Variants in ATL2 observed in about 807,000 individuals in gnomAD.
ATL2 encodes atlastin GTPase 2.
ATL2 carries 31 observed loss-of-function variants against 73.9 expected under a neutral mutation model. The observed-to-expected ratio is 0.42, with a 90% CI of 0.32 to 0.57. The LOEUF (loss-of-function observed/expected upper bound fraction) is 0.57, where lower values mean the gene tolerates loss of function less well. Among genes scored for constraint, ATL2 ranks in the 20% least tolerant of loss-of-function variants. ATL2 has a pLI of 0.14. For missense variants in ATL2, 738 were observed against 702.6 expected (o/e 1.05, Z -0.57); for synonymous variants, 291 against 237.5 (o/e 1.23, Z -2.07).
chr2:38,346,134 C>G (rs778631167), intron 1 of ATL2, among the ~76,000 whole-genome samples: 4 of 152,196 alleles, frequency 2.6e-5, no homozygotes, highest in African/African-American at 7.2e-5. Context: ...TATAGAGATA[C>G]GTCTACGTGT....
At chr2:38,341,464 C>A (rs1669713924) in intron 2 of ATL2, among the ~76,000 whole-genome samples, 1 of 151,860 alleles carries the variant, frequency 6.6e-6, no homozygotes, top group African/African-American at 2.4e-5. Context: ...TAGTGAGAAC[C>A]CCATCTTTAC....
At position 38,367,329 on chromosome 2, in the gene ATL2, C is replaced by T. The variant is rs572942370; in HGVS notation, c.118+9814G>A. On this transcript the variant is annotated intron_variant, in intron 1 of 12. Coordinates refer to ENST00000378954, the MANE Select transcript of ATL2 (RefSeq NM_001135673.4). ...ATATGATTAACAATTTAAGGCCGGG[C>T]GCGGTGGCTCATGCCTATAATCTCA... Among the ~76,000 whole-genome samples the T allele has an allele frequency of 5.9e-5, 9 of 151,746 alleles. No homozygotes were observed. The South Asian group carries it at 6.3e-4, about 11-fold the overall frequency.
chr2:38,344,061 T>A (rs955961757), intron 1 of ATL2, among the ~76,000 whole-genome samples: 11 of 152,176 alleles, frequency 7.2e-5, no homozygotes, highest in African/African-American at 2.7e-4. Flanking sequence ...TACACCATTA[T>A]ACATACAGAT....
At chr2:38,317,128 A>G (rs1451968954) in intron 4 of ATL2, among the ~76,000 whole-genome samples, 1 of 152,124 alleles carries the variant, frequency 6.6e-6, no homozygotes, top group Non-Finnish European at 1.5e-5. Context: ...GAGACGAGTC[A>G]TATGTTCCAG....
Position 38,295,160 on chromosome 2 carries a change from C to G in ATL2, c.*834G>C, listed in dbSNP as rs1020497668. The G allele has an allele frequency of 1.3e-5, 2 of 152,154 alleles. No individual in the cohort carries two copies. Among genetic ancestry groups the G allele is most frequent in the African/African-American group, 2.4e-5 (1 of 41,412 alleles). The allele number at this position is 152,154 out of a possible 1,614,324, so 9.4% of individuals were successfully genotyped here. On this transcript the variant is annotated 3_prime_UTR_variant, in exon 13 of 13. Coordinates refer to ENST00000378954, the MANE Select transcript of ATL2 (RefSeq NM_001135673.4). ...CCACAGGACCAGATTTTGCCATAAACTACAAAACTTTTAATACAAAATCGT... is the reference window on the plus strand; with the variant it reads ...CCACAGGACCAGATTTTGCCATAAAGTACAAAACTTTTAATACAAAATCGT...
chr2:38,347,720 G>A (rs551506989), intron 1 of ATL2, among the ~76,000 whole-genome samples: 5 of 149,958 alleles, frequency 3.3e-5, no homozygotes, highest in African/African-American at 7.3e-5. Context: ...TTTCCTGAAT[G>A]AATGAAATTT....
At position 38,343,865 on chromosome 2, in the gene ATL2, T is replaced by C. The variant is rs752937688; in HGVS notation, c.119-353A>G. On this transcript the variant is annotated intron_variant, in intron 1 of 12. Transcript: ENST00000378954. ...GAATAAGTCTCACGAAATTTGATGA[T>C]TTTATAAGAGGTTTCCCTGCACAAG... 3.4e-4 allele frequency among the ~76,000 whole-genome samples: 51 copies of C among 152,116 alleles called. 1 individual carries two copies. Among genetic ancestry groups the C allele is most frequent in the Admixed American group, 8.5e-4 (13 of 15,264 alleles).
chr2:38,299,008 C>G (rs1329733296), intron 11 of ATL2, among the ~76,000 whole-genome samples: 1 of 152,144 alleles, frequency 6.6e-6, no homozygotes, highest in African/African-American at 2.4e-5. Flanking sequence ...CACTCTGAAT[C>G]ACACATTTGT....
intron 4 of ATL2, among the ~76,000 whole-genome samples, chr2:38,316,212 A>C (rs1451772677): frequency 6.6e-6 from 1 of 152,258 alleles, no homozygotes; most frequent in East Asian, 1.9e-4. Flanking sequence ...TAGTCAATTT[A>C]GGCCAGCAAA....
intron 4 of ATL2, among the ~76,000 whole-genome samples, chr2:38,316,029 G>T (rs58994441): frequency 0.019 from 2,818 of 152,070 alleles, 92 homozygotes; most frequent in African/African-American, 0.065. Flanking sequence ...TTCTAAGACA[G>T]ATCTTTAGAC....
At chr2:38,324,469 G>C (rs924490018) in intron 2 of ATL2, among the ~76,000 whole-genome samples, 1 of 152,174 alleles carries the variant, frequency 6.6e-6, no homozygotes, top group African/African-American at 2.4e-5. Context: ...ACCACCAATT[G>C]TATTTACTGT....
intron 1 of ATL2, among the ~76,000 whole-genome samples, chr2:38,370,898 C>T (rs376310530): frequency 4.0e-5 from 6 of 151,478 alleles, no homozygotes; most frequent in African/African-American, 1.5e-4. Context: ...TTCAAGGTTG[C>T]AGCGAGCTAT....
chr2:38,299,696 CA>C (rs1667085692), intron 10 of ATL2, among the ~76,000 whole-genome samples: 1 of 152,166 alleles, frequency 6.6e-6, no homozygotes, highest in African/African-American at 2.4e-5. Context: ...TTATACAAGA[CA>C]TTTTCAAACC....
chr2:38,361,732 A>C (rs140434117), intron 1 of ATL2, among the ~76,000 whole-genome samples: 1 of 152,338 alleles, frequency 6.6e-6, no homozygotes, highest in East Asian at 1.9e-4. Context: ...GAAACATTTT[A>C]ATTTGCCTCA....
At chr2:38,335,163 A>C (rs1382407564) in intron 2 of ATL2, among the ~76,000 whole-genome samples, 1 of 151,698 alleles carries the variant, frequency 6.6e-6, no homozygotes, top group African/African-American at 2.4e-5. Context: ...AATTAATGAA[A>C]CCACTTCGGA....
rs1669858755 is a variant in ATL2 at position 38,343,640 on chromosome 2, G to A, written c.119-128C>T. 9.7e-6 allele frequency: 8 copies of A among 821,538 alleles called. No homozygotes were observed. In the South Asian group the frequency reaches 1.3e-4, roughly 13 times the overall value. 50.9% of individuals were successfully genotyped at this position (821,538 alleles called of 1,614,324 possible). A position where few individuals can be genotyped will look rare whatever the true frequency, so the allele number is the denominator to read the frequency against. On this transcript the variant is annotated intron_variant, in intron 1 of 12. Coordinates refer to ENST00000378954, the MANE Select transcript of ATL2 (RefSeq NM_001135673.4). ...TCCCCCCATTATAGATCATTATAAT[G>A]TTCCTTTGGATTTCTCACTCCCTCT...
At chr2:38,354,491 T>C (rs1226640661) in intron 1 of ATL2, among the ~76,000 whole-genome samples, 2 of 152,164 alleles carry the variant, frequency 1.3e-5, no homozygotes, top group African/African-American at 2.4e-5. Context: ...AAGTGGAAAG[T>C]GGTAAAACAT....
At chr2:38,343,144 T>C (rs1669821095) in intron 2 of ATL2, 124 bp downstream of exon 2, 1 of 822,284 alleles carries the variant, frequency 1.2e-6, no homozygotes, top group Non-Finnish European at 1.6e-6. Context: ...TGAGACCACT[T>C]AAATTAAAAA....
intron 1 of ATL2, 97 bp from the exon 2 acceptor site, chr2:38,343,609 G>A: frequency 1.9e-6 from 2 of 1,057,738 alleles, no homozygotes; most frequent in Non-Finnish European, 2.7e-6. Flanking sequence ...GTAAGTAATT[G>A]CCCCCTCCCC....
Sources: gnomAD v4.1 joint callset for allele counts (sites outside exome capture counted in the v4.1 genomes callset) on GRCh38, gnomAD v4.1.1 for gene constraint, MANE v1.5 for transcripts, NCBI Gene and HGNC (gene_info 2026-07-23, HGNC 2026-07-21) for gene names.